UNK: variants seen among roughly 807,000 people sequenced by gnomAD.
The protein encoded by UNK is RING finger protein unkempt homolog.
Under a neutral mutation model 97.6 loss-of-function variants are expected in UNK, and 32 were observed. That is an observed-to-expected ratio of 0.33 (90% CI 0.25 to 0.44). The LOEUF (loss-of-function observed/expected upper bound fraction) is 0.44. Among genes scored for constraint, UNK ranks in the 20% least tolerant of loss-of-function variants. UNK has a pLI of 1.00. For missense variants in UNK, 771 were observed against 1,098.4 expected (o/e 0.70, Z 4.21); for synonymous variants, 441 against 461.2 (o/e 0.96, Z 0.56).
rs927458163 is a variant in UNK at position 75,823,393 on chromosome 17, G to C, written c.2148G>C (p.Glu716Asp). The change falls in exon 15 of 16, where the codon GAG becomes GAC. Residue 716 changes from glutamate to aspartate, a missense_variant. Around this residue, in one of 5 missense-constraint regions of UNK, gnomAD observed 208 missense variants for 257.4 expected, o/e 0.81. Coordinates refer to ENST00000589666, the MANE Select transcript of UNK (RefSeq NM_001080419.3). ...LEVQVKKLQE[E>D]LERLHAGPEP... ...TGCAGGTGAAGAAGCTCCAGGAGGA[G>C]CTGGAGCGGCTACACGCGGGGCCTG... 3.7e-6 allele frequency: 6 copies of C among 1,608,996 alleles called. No homozygotes were observed. The highest frequency in any genetic ancestry group is 5.1e-6 in the Non-Finnish European group (6 of 1,177,866).
chr17:75,821,574 A>G (rs751214600), intron 13 of UNK: 2 of 456,290 alleles, frequency 4.4e-6, no homozygotes, highest in South Asian at 3.1e-5. Flanking sequence ...GCACAGGACC[A>G]TGTCCCTCCT....
intron 1 of UNK, chr17:75,792,301 T>G: frequency 2.0e-6 from 2 of 985,374 alleles, no homozygotes; most frequent in Non-Finnish European, 2.4e-6. Context: ...GTTTTTGTTT[T>G]TTTTAATCCA....
intron 1 of UNK, among the ~76,000 whole-genome samples, chr17:75,794,669 C>T (rs1014047927): frequency 2.0e-5 from 3 of 151,810 alleles, no homozygotes; most frequent in African/African-American, 7.3e-5. Flanking sequence ...AGTTAATAGT[C>T]AGCATGGTAG....
At chr17:75,797,129 A>G (rs970540850) in intron 1 of UNK, among the ~76,000 whole-genome samples, 5 of 152,218 alleles carry the variant, frequency 3.3e-5, no homozygotes, top group African/African-American at 1.2e-4. Context: ...GCAGAATCCT[A>G]TCATATTGTG....
intron 13 of UNK, 101 bp from the exon 14 acceptor site, chr17:75,822,376 C>T: frequency 7.3e-7 from 1 of 1,375,154 alleles, no homozygotes; most frequent in Non-Finnish European, 9.9e-7. Context: ...CTTGCACACC[C>T]ATCCAGTGGA....
chr17:75,816,756 C>T lies in UNK; in HGVS notation c.962-14C>T, dbSNP rs551588324. 8.8e-6 allele frequency: 14 copies of T among 1,594,818 alleles called. No individual in the cohort carries two copies. Among genetic ancestry groups the T allele is most frequent in the South Asian group, 4.4e-5 (4 of 90,596 alleles). The stretch of plus-strand genomic sequence containing the variant: ...TGGCTGGGGCCTGCTGACCCCTGCC[C>T]CTGACTCTTGCAGAGCCACCCCTGA... On this transcript the variant is annotated splice_polypyrimidine_tract_variant and intron_variant, in intron 7 of 15. Transcript: ENST00000589666. The surrounding 1 kb of genome is among the most constrained non-coding windows in gnomAD (Gnocchi z 4.0).
chr17:75,811,244 C>T (rs1171689216), intron 2 of UNK, among the ~76,000 whole-genome samples: 2 of 152,204 alleles, frequency 1.3e-5, no homozygotes, highest in African/African-American at 2.4e-5. Context: ...TGAGCCACCA[C>T]GCCTGGCCAT....
At position 75,798,269 on chromosome 17, in the gene UNK, G is replaced by A. The variant is rs1269683193; in HGVS notation, c.105-11491G>A. Reference sequence around the variant, plus strand: ...TATTTTTTAGTAGAGACGGGGTTTCGCCACGTTGGCCAGGCTGGTCTCGAA... The same window carrying A: ...TATTTTTTAGTAGAGACGGGGTTTCACCACGTTGGCCAGGCTGGTCTCGAA... On this transcript the variant is annotated intron_variant, in intron 1 of 15. Coordinates refer to ENST00000589666, the MANE Select transcript of UNK (RefSeq NM_001080419.3). 5.3e-5 allele frequency among the ~76,000 whole-genome samples: 8 copies of A among 152,022 alleles called. No homozygotes were observed. The South Asian group carries it at 1.0e-3, about 20-fold the overall frequency.
intron 1 of UNK, among the ~76,000 whole-genome samples, chr17:75,803,625 A>T (rs2061883792): frequency 6.6e-6 from 1 of 152,220 alleles, no homozygotes; most frequent in Non-Finnish European, 1.5e-5. Context: ...CTTTGCAGAA[A>T]ATATCTTAAT....
chr17:75,792,409 T>C (rs537123630), intron 1 of UNK: 5 of 985,454 alleles, frequency 5.1e-6, no homozygotes, highest in African/African-American at 3.5e-5. Context: ...TCCTAGTAGA[T>C]TGTCTTCCCT....
chr17:75,794,253 C>G, intron 1 of UNK: 1 of 833,256 alleles, frequency 1.2e-6, no homozygotes, highest in Non-Finnish European at 1.4e-6. Flanking sequence ...TATGGCCTGT[C>G]CGAAACTCTC....
intron 13 of UNK, among the ~76,000 whole-genome samples, chr17:75,822,118 C>CA (rs2062074353): frequency 6.6e-6 from 1 of 152,208 alleles, no homozygotes; most frequent in Admixed American, 6.5e-5. Flanking sequence ...AGTGAAGCCA[C>CA]AATCATAAAT....
rs2062042922 is a variant in UNK at position 75,819,101 on chromosome 17, C to CT, written c.1546+286dup. The CT allele has an allele frequency of 2.7e-6, 1 of 370,526 alleles. No individual in the cohort carries two copies. Among genetic ancestry groups the CT allele is most frequent in the African/African-American group, 2.1e-5 (1 of 47,582 alleles). The allele number at this position is 370,526 out of a possible 1,614,324, so 23.0% of individuals were successfully genotyped here. On this transcript the variant is annotated intron_variant, in intron 11 of 15. Transcript: ENST00000589666. This position sits in a 1 kb window ranked among gnomAD's most constrained non-coding sequence, Gnocchi z 5.4. ...GACGTGTTGTTCAGTCCCCACTCAT[C>CT]TCACTGGTGTCCTTGTGTAGTGAAT...
intron 1 of UNK, among the ~76,000 whole-genome samples, chr17:75,802,023 A>C (rs1158807298): frequency 6.6e-6 from 1 of 151,372 alleles, no homozygotes; most frequent in Admixed American, 6.6e-5. Flanking sequence ...AATTTTTTGT[A>C]TTTTTAGTAG....
Position 75,818,909 on chromosome 17 carries a change from A to G in UNK, c.1546+93A>G. The stretch of plus-strand genomic sequence containing the variant: ...AGCGAGTCTCAAATCAGCACACCAG[A>G]CCCCTTAGACATCTGTCTTCGGAAA... On this transcript the variant is annotated intron_variant, in intron 11 of 15. Transcript: ENST00000589666. This position sits in a 1 kb window ranked among gnomAD's most constrained non-coding sequence, Gnocchi z 5.1. 1 of 1,360,702 alleles carries G rather than the reference A, an allele frequency of 7.3e-7. No individual in the cohort carries two copies. 84.3% of individuals were successfully genotyped at this position (1,360,702 alleles called of 1,614,324 possible).
At chr17:75,787,818 C>T (rs925682591) in intron 1 of UNK, among the ~76,000 whole-genome samples, 13 of 146,296 alleles carry the variant, frequency 8.9e-5, no homozygotes, top group African/African-American at 1.3e-4. Context: ...GAGTGAGACT[C>T]GGTCCAAAAA....
intron 1 of UNK, chr17:75,809,046 A>G (rs1407432489): frequency 7.6e-6 from 1 of 132,422 alleles, no homozygotes; most frequent in Non-Finnish European, 1.6e-5. Context: ...GCAGGTACTC[A>G]CATGAGGTGA....
chr17:75,787,936 T>A (rs1048490622), intron 1 of UNK, among the ~76,000 whole-genome samples: 4 of 151,370 alleles, frequency 2.6e-5, no homozygotes, highest in Non-Finnish European at 4.4e-5. Context: ...TACAGGCACA[T>A]ACCACCATAC....
chr17:75,804,058 C>T (rs563908653), intron 1 of UNK, among the ~76,000 whole-genome samples: 8 of 152,306 alleles, frequency 5.3e-5, no homozygotes, highest in African/African-American at 1.9e-4. Flanking sequence ...AAAGTGAAAA[C>T]AAAGGCAAGC....
Sources: allele counts gnomAD v4.1 joint callset (sites outside exome capture counted in the v4.1 genomes callset), GRCh38; gene constraint gnomAD v4.1.1; regional missense constraint gnomAD v4.1.1; non-coding constraint Gnocchi (gnomAD v3.1); transcripts MANE v1.5; gene names NCBI Gene and HGNC (gene_info 2026-07-23, HGNC 2026-07-21).